Variants in SGCD observed in about 807,000 individuals in gnomAD.
SGCD encodes delta-sarcoglycan.
In SGCD, 18 loss-of-function variants were observed where a neutral mutation model predicts 36.6. That is an observed-to-expected ratio of 0.49 (90% CI 0.34 to 0.73). SGCD has a LOEUF of 0.73. Ranked by LOEUF, SGCD falls within the 30% of genes least tolerant of loss-of-function variation. The pLI, the probability that SGCD is intolerant of heterozygous loss-of-function variation, is 0.01. For synonymous variants in SGCD, 133 were observed against 130.6 expected (o/e 1.02, Z -0.12); for missense variants, 387 against 346.7 (o/e 1.12, Z -0.92).
chr5:156,423,382 TATA>T (rs1287575906), intron 3 of SGCD, among the ~76,000 whole-genome samples: 4 of 97,292 alleles, frequency 4.1e-5, no homozygotes, highest in Admixed American at 1.3e-4. Flanking sequence ...TTTATTATAA[TATA>T]ATATATTATA....
intron 7 of SGCD, among the ~76,000 whole-genome samples, chr5:156,732,758 T>A (rs1756145375): frequency 6.6e-6 from 1 of 152,154 alleles, no homozygotes; most frequent in Non-Finnish European, 1.5e-5. Flanking sequence ...TATTACTGCC[T>A]CAATTTCAGA....
chr5:156,676,083 C>A (rs960011076), intron 7 of SGCD, among the ~76,000 whole-genome samples: 1 of 152,192 alleles, frequency 6.6e-6, no homozygotes, highest in Non-Finnish European at 1.5e-5. Context: ...TTTAATTTTT[C>A]AAATGGAATA....
At chr5:156,390,858 CAA>C (rs1453138222) in intron 3 of SGCD, among the ~76,000 whole-genome samples, 1 of 152,038 alleles carries the variant, frequency 6.6e-6, no homozygotes, top group Non-Finnish European at 1.5e-5. Context: ...AGTTTTATTA[CAA>C]AAGAGTCAAA....
At chr5:155,797,559 T>C in the SGCD span, among the ~76,000 whole-genome samples, 1 of 152,222 alleles carries the variant, frequency 6.6e-6, no homozygotes, top group Admixed American at 6.5e-5. Flanking sequence ...AGTACAGAGT[T>C]GCATTTCAAT....
chr5:156,747,143 T>C (rs1184800748), intron 7 of SGCD, among the ~76,000 whole-genome samples: 1 of 151,966 alleles, frequency 6.6e-6, no homozygotes, highest in Non-Finnish European at 1.5e-5. Flanking sequence ...AAAGTGAAAA[T>C]CATAATAAAG....
rs573540293 is a variant in SGCD, at chr5:156,592,607, C to T, written c.383-2325C>T. Among the ~76,000 whole-genome samples the T allele has an allele frequency of 3.9e-5, 6 of 152,214 alleles. No individual in the cohort carries two copies. In the South Asian group the frequency reaches 1.2e-3, roughly 32 times the overall value. ...TTCTCCTTCCTAGACAAATAAATGC[C>T]CCTTTCCTTCTGTGGAATAATTCTC... On this transcript the variant is annotated intron_variant, in intron 5 of 8. Transcript: ENST00000337851.
At chr5:156,448,709 G>C (rs1753852862) in intron 3 of SGCD, among the ~76,000 whole-genome samples, 1 of 150,700 alleles carries the variant, frequency 6.6e-6, no homozygotes, top group Non-Finnish European at 1.5e-5. Flanking sequence ...TTAAAGGGTG[G>C]GAGAAGTTTC....
intron 6 of SGCD, among the ~76,000 whole-genome samples, chr5:156,642,958 T>G (rs779065130): frequency 6.6e-6 from 1 of 152,048 alleles, no homozygotes; most frequent in South Asian, 2.1e-4. Flanking sequence ...ACATGTTTCT[T>G]TTCTTTATCA....
At position 156,767,780 on chromosome 5, in the gene SGCD, A is replaced by G. The variant is rs1185980508; in HGVS notation, c.*8390A>G. The G allele has an allele frequency of 2.6e-5, 4 of 152,310 alleles. No individual in the cohort carries two copies. Among genetic ancestry groups the G allele is most frequent in the African/African-American group, 7.2e-5 (3 of 41,566 alleles). The allele number at this position is 152,310 out of a possible 1,614,324, so 9.4% of individuals were successfully genotyped here. A position where few individuals can be genotyped will look rare whatever the true frequency, so the allele number is the denominator to read the frequency against. On this transcript the variant is annotated 3_prime_UTR_variant, in exon 9 of 9. Transcript: ENST00000337851. ...ATATTAATAAAAATAATGATTGGTA[A>G]GAAGGAAAGCACCCTTGTCCACTTC... is the stretch of plus-strand genomic sequence containing the variant.
chr5:156,195,900 T>C (rs776090363), intron 3 of SGCD, among the ~76,000 whole-genome samples: 1 of 152,208 alleles, frequency 6.6e-6, no homozygotes, highest in Non-Finnish European at 1.5e-5. Context: ...CCCGTATCTA[T>C]TGGTGTCACT....
At chr5:156,074,619 G>T (rs2127589564) in intron 1 of SGCD, among the ~76,000 whole-genome samples, 1 of 152,234 alleles carries the variant, frequency 6.6e-6, no homozygotes, top group South Asian at 2.1e-4. Context: ...GGCAGAGGTT[G>T]CAGTGAGCCA....
chr5:155,835,002 A>ATTTTTTTTTTTTTTTTTTTTTTTT, the SGCD span, among the ~76,000 whole-genome samples: 17 of 60,178 alleles, frequency 2.8e-4, 4 homozygotes, highest in East Asian at 1.5e-3. Flanking sequence ...TGCCCAGCTA[A>ATTTTTTTTTTTTTTTTTTTTTTTT]TTTTTTTTTT....
At chr5:155,753,900 A>AT in the SGCD span, among the ~76,000 whole-genome samples, 58 of 150,908 alleles carry the variant, frequency 3.8e-4, no homozygotes, top group Admixed American at 3.0e-3. Context: ...GTCACATTTA[A>AT]TTTTTTTTTT....
At chr5:156,743,454 C>G (rs1403231356) in intron 7 of SGCD, among the ~76,000 whole-genome samples, 1 of 152,124 alleles carries the variant, frequency 6.6e-6, no homozygotes, top group East Asian at 1.9e-4. Context: ...GTTTAAATTT[C>G]TTTTAACTCA....
At chr5:156,424,490 A>T (rs1379362846) in intron 3 of SGCD, among the ~76,000 whole-genome samples, 2 of 152,108 alleles carry the variant, frequency 1.3e-5, no homozygotes, top group Admixed American at 6.6e-5. Context: ...TAAAAACCTG[A>T]TACAGGAAAC....
At chr5:156,677,476 G>A (rs1753559075) in intron 7 of SGCD, among the ~76,000 whole-genome samples, 1 of 152,040 alleles carries the variant, frequency 6.6e-6, no homozygotes. Flanking sequence ...ACTCATAGGT[G>A]GGAATTGAAC....
At chr5:156,699,252 A>G (rs1015362366) in intron 7 of SGCD, among the ~76,000 whole-genome samples, 8 of 151,666 alleles carry the variant, frequency 5.3e-5, no homozygotes, top group African/African-American at 1.9e-4. Context: ...TGGGGTATCT[A>G]TTTTTTTAAG....
chr5:156,281,353 A>G (rs1766448207), intron 3 of SGCD, among the ~76,000 whole-genome samples: 1 of 152,182 alleles, frequency 6.6e-6, no homozygotes. Context: ...CAATGTGAAC[A>G]AATTTTATGA....
intron 6 of SGCD, among the ~76,000 whole-genome samples, chr5:156,619,184 C>A (rs953384504): frequency 2.0e-5 from 3 of 152,242 alleles, no homozygotes; most frequent in Admixed American, 6.5e-5. Context: ...TGCCACGACG[C>A]CCGGCTAATT....
Sources: allele counts gnomAD v4.1 joint callset (sites outside exome capture counted in the v4.1 genomes callset), GRCh38; gene constraint gnomAD v4.1.1; transcripts MANE v1.5; gene names NCBI Gene and HGNC (gene_info 2026-07-23, HGNC 2026-07-21).